The following FMN1 variants were observed in gnomAD, a reference collection of about 807,000 sequenced individuals.
FMN1 encodes the protein formin-1.
A neutral mutation model predicts 132.4 loss-of-function variants in FMN1; 110 were observed. That is an observed-to-expected ratio of 0.83 (90% confidence interval 0.71 to 0.97). The LOEUF is 0.97. Among genes scored for constraint, FMN1 ranks in the 50% least tolerant of loss-of-function variants. The probability of loss-of-function intolerance (pLI) is 0.00; values close to 1 mark genes in which losing one functional copy is unlikely to be tolerated. For missense variants in FMN1, 1,792 were observed against 1,705.3 expected, an observed-to-expected ratio of 1.05 and a Z score of -0.90; for synonymous variants, 722 against 651.7, an observed-to-expected ratio of 1.11 and a Z score of -1.64.
chr15:32,885,506 G>T (rs769461540), intron 16 of FMN1, among the ~76,000 whole-genome samples: 2 of 152,136 alleles, frequency 1.3e-5, no homozygotes, highest in Non-Finnish European at 2.9e-5. Context: ...CAAATTACTT[G>T]AGCACCACAA....
intron 3 of FMN1, among the ~76,000 whole-genome samples, chr15:33,164,960 AT>A (rs1235178801): frequency 6.6e-6 from 1 of 152,212 alleles, no homozygotes; most frequent in Non-Finnish European, 1.5e-5. Context: ...TGTTTTAGTT[AT>A]TTTTAAATGT....
At chr15:32,876,333 GTAGGTA>G (rs1268689235) in intron 16 of FMN1, among the ~76,000 whole-genome samples, 1 of 152,194 alleles carries the variant, frequency 6.6e-6, no homozygotes, top group Non-Finnish European at 1.5e-5. Context: ...GCTGTTAAAT[GTAGGTA>G]TAGAAGGCCA....
At position 32,876,167 on chromosome 15, in the gene FMN1, A is replaced by C. The variant is rs112905315; in HGVS notation, c.3835+12005T>G. The stretch of plus-strand genomic sequence containing the variant: ...TTCAGTCTTCCAGCTATCGAGCAGA[A>C]TCCTGATCAAAAGCACTTGTGTTGT... On this transcript the variant is annotated intron_variant, in intron 16 of 20. Coordinates refer to ENST00000616417, the MANE Select transcript of FMN1 (RefSeq NM_001277313.2). Among the ~76,000 whole-genome samples, 9 of 152,352 alleles carry C rather than the reference A, an allele frequency of 5.9e-5. 1 individual carries two copies. The highest frequency in any genetic ancestry group is 2.2e-4 in the African/African-American group (9 of 41,588).
intron 4 of FMN1, among the ~76,000 whole-genome samples, chr15:33,098,371 G>C (rs184917358): frequency 6.6e-6 from 1 of 152,206 alleles, no homozygotes; most frequent in East Asian, 1.9e-4. Flanking sequence ...CTTCCTGAAT[G>C]CTGAATGCTG....
intron 17 of FMN1, among the ~76,000 whole-genome samples, chr15:32,828,837 C>T (rs764416678): frequency 8.7e-4 from 133 of 152,250 alleles, no homozygotes; most frequent in Non-Finnish European, 1.7e-3. Context: ...CAAAGGAACA[C>T]GTTAGTAGTT....
intron 15 of FMN1, among the ~76,000 whole-genome samples, chr15:32,889,369 A>C (rs1026007303): frequency 2.0e-5 from 3 of 152,162 alleles, no homozygotes; most frequent in African/African-American, 7.2e-5. Context: ...GTCTTCAATT[A>C]TTCCTCTCTC....
rs2038274201 is a variant in FMN1, at chr15:33,077,686, G to C, written c.2043+11113C>G. The stretch of plus-strand genomic sequence containing the variant: ...CAGCTTCATCCATGTCTCTACAAAG[G>C]CCATGAATTCATCATTTTTTATGGC... On this transcript the variant is annotated intron_variant, in intron 5 of 20. Coordinates refer to ENST00000616417, the MANE Select transcript of FMN1 (RefSeq NM_001277313.2). Among the ~76,000 whole-genome samples, 4 of 150,210 alleles carry C rather than the reference G, an allele frequency of 2.7e-5. No homozygotes were observed. The South Asian group carries it at 8.4e-4, about 32-fold the overall frequency.
rs529320293 is a variant in FMN1 at position 33,044,874 on chromosome 15, G to C, written c.2161+20083C>G. ...CTACACCTTGCTCCCCCCTCCACTT[G>C]TCCATATACCTCATTCTTCCTGTTG... On this transcript the variant is annotated intron_variant, in intron 6 of 20. Coordinates refer to ENST00000616417, the MANE Select transcript of FMN1 (RefSeq NM_001277313.2). Among the ~76,000 whole-genome samples the C allele has an allele frequency of 1.4e-3, 208 of 152,342 alleles. 1 individual carries two copies. Among genetic ancestry groups the C allele is most frequent in the Non-Finnish European group, 2.4e-3 (163 of 68,040 alleles).
intron 16 of FMN1, among the ~76,000 whole-genome samples, chr15:32,884,186 T>C (rs2059840563): frequency 6.6e-6 from 1 of 152,160 alleles, no homozygotes; most frequent in African/African-American, 2.4e-5. Flanking sequence ...CAGAAATATA[T>C]CACCTTTTAG....
intron 6 of FMN1, among the ~76,000 whole-genome samples, chr15:33,013,687 T>G (rs932843455): frequency 2.0e-5 from 3 of 152,310 alleles, no homozygotes; most frequent in Non-Finnish European, 1.5e-5. Flanking sequence ...ATTCATAAAA[T>G]AAGAAGCAGA....
intron 7 of FMN1, among the ~76,000 whole-genome samples, chr15:32,970,248 T>C (rs2031665506): frequency 6.6e-6 from 1 of 152,248 alleles, no homozygotes; most frequent in African/African-American, 2.4e-5. Flanking sequence ...GTACTCGCAG[T>C]CATTAACCAG....
intron 17 of FMN1, among the ~76,000 whole-genome samples, chr15:32,816,819 A>G (rs531611734): frequency 3.3e-5 from 5 of 152,340 alleles, no homozygotes; most frequent in African/African-American, 1.2e-4. Context: ...TCCTTTATTC[A>G]CACCTTATAC....
chr15:32,970,758 G>A (rs1365392771), intron 7 of FMN1: 1 of 150,356 alleles, frequency 6.7e-6, no homozygotes, highest in Non-Finnish European at 1.5e-5. Context: ...TCAGCAGATT[G>A]AATTATGAAG....
intron 5 of FMN1, among the ~76,000 whole-genome samples, chr15:33,085,062 T>C (rs1011861341): frequency 9.2e-5 from 14 of 152,214 alleles, no homozygotes; most frequent in Non-Finnish European, 5.9e-5. Flanking sequence ...AAAGGGGTTT[T>C]TGTGAGCTGC....
chr15:33,013,966 A>G (rs554573789), intron 6 of FMN1, among the ~76,000 whole-genome samples: 1 of 152,328 alleles, frequency 6.6e-6, no homozygotes, highest in East Asian at 1.9e-4. Flanking sequence ...TCATTAACAA[A>G]CCGATGAAGG....
At chr15:32,835,256 A>G (rs2058595911) in intron 17 of FMN1, among the ~76,000 whole-genome samples, 1 of 152,236 alleles carries the variant, frequency 6.6e-6, no homozygotes, top group African/African-American at 2.4e-5. Context: ...CTATTCAGAT[A>G]CAATGAAAAC....
At chr15:33,060,972 T>G (rs2037455536) in intron 6 of FMN1, among the ~76,000 whole-genome samples, 1 of 152,190 alleles carries the variant, frequency 6.6e-6, no homozygotes, top group African/African-American at 2.4e-5. Context: ...AGGTAGCCCT[T>G]CATAATACAA....
At chr15:33,048,416 A>T (rs2036790653) in intron 6 of FMN1, among the ~76,000 whole-genome samples, 1 of 152,038 alleles carries the variant, frequency 6.6e-6, no homozygotes, top group South Asian at 2.1e-4. Context: ...AGGACAATTC[A>T]GAAAGTCCAG....
intron 12 of FMN1, 42 bp downstream of exon 12, chr15:32,908,448 G>T: frequency 7.6e-7 from 1 of 1,313,068 alleles, no homozygotes; most frequent in African/African-American, 1.5e-5. Flanking sequence ...AGAAATTGCA[G>T]TTCTCCTTTT....
Sources: gnomAD v4.1 joint callset for allele counts (sites outside exome capture counted in the v4.1 genomes callset) on GRCh38, gnomAD v4.1.1 for gene constraint, MANE v1.5 for transcripts, NCBI Gene and HGNC (gene_info 2026-07-23, HGNC 2026-07-21) for gene names.